The following HCN1 variants were observed in gnomAD, a reference collection of about 807,000 sequenced individuals.
HCN1 encodes the protein hyperpolarization activated cyclic nucleotide gated potassium channel 1, also known as potassium/sodium hyperpolarization-activated cyclic nucleotide-gated channel 1.
HCN1 carries 13 observed loss-of-function variants against 78.9 expected under a neutral mutation model. That is an observed-to-expected ratio of 0.16 (90% CI 0.11 to 0.26). The LOEUF is 0.26. Among genes scored for constraint, HCN1 ranks in the 10% least tolerant of loss-of-function variants. The pLI is 1.00. For synonymous variants in HCN1, 552 were observed against 455.5 expected, an observed-to-expected ratio of 1.21 and a Z score of -2.70; for missense variants, 810 against 1,154.3, an observed-to-expected ratio of 0.70 and a Z score of 4.32.
rs1747539062 is a variant in HCN1 at position 45,374,204 on chromosome 5, AAC to A, written c.1231-20960_1231-20959del. The stretch of plus-strand genomic sequence containing the variant: ...TATATATTATATACATTATATACAT[AAC>A]ATATATATTATGTACATTATATACA... On this transcript the variant is annotated intron_variant, in intron 4 of 7. Transcript: ENST00000303230. Among the ~76,000 whole-genome samples the A allele has an allele frequency of 6.1e-5, 7 of 114,984 alleles. No individual in the cohort carries two copies. The South Asian group carries it at 7.9e-4, about 13-fold the overall frequency. The allele number at this position is 114,984 out of a possible 152,430, so 75.4% of individuals were successfully genotyped here. A position where few individuals can be genotyped will look rare whatever the true frequency, so the allele number is the denominator to read the frequency against.
Position 45,262,012 on chromosome 5 carries a change from G to A in HCN1, c.2582C>T (p.Pro861Leu). Reference sequence around the variant, plus strand: ...TCTTGGAAGAGCAGCTGCTGGTGGAGGGGGTGCTGGAGGGACTCCTCGGTT... The same window carrying A: ...TCTTGGAAGAGCAGCTGCTGGTGGAAGGGGTGCTGGAGGGACTCCTCGGTT... ...PPNRGVPPAP[P>L]PPAAALPRES... The change falls in exon 8 of 8, where the codon CCT becomes CTT. Residue 861 changes from proline to leucine, a missense_variant. Transcript: ENST00000303230. 6.2e-7 allele frequency: 1 copy of A among 1,614,154 alleles called. No homozygotes were observed. Among genetic ancestry groups the A allele is most frequent in the Non-Finnish European group, 8.5e-7 (1 of 1,180,040 alleles).
At chr5:45,643,127 T>C (rs916126287) in intron 2 of HCN1, 3 of 152,124 alleles carry the variant, frequency 2.0e-5, no homozygotes, top group East Asian at 3.9e-4. Context: ...AATTTTATCA[T>C]GGCATCTTTA....
intron 5 of HCN1, among the ~76,000 whole-genome samples, chr5:45,349,019 G>A (rs1183508305): frequency 6.6e-5 from 10 of 152,034 alleles, no homozygotes; most frequent in African/African-American, 1.5e-4. Context: ...TGCAGCAAGC[G>A]GACCTAATAG....
intron 3 of HCN1, among the ~76,000 whole-genome samples, chr5:45,425,905 T>G (rs1356422438): frequency 1.3e-5 from 2 of 152,104 alleles, no homozygotes; most frequent in Non-Finnish European, 2.9e-5. Context: ...TGCTTGGGAA[T>G]GACAAAAGAT....
At chr5:45,322,459 A>G (rs956245232) in intron 5 of HCN1, among the ~76,000 whole-genome samples, 1 of 151,856 alleles carries the variant, frequency 6.6e-6, no homozygotes. Context: ...AGAATGTCTT[A>G]TGTGAAATGC....
intron 2 of HCN1, among the ~76,000 whole-genome samples, chr5:45,520,275 T>G (rs1441902019): frequency 6.6e-6 from 1 of 152,126 alleles, no homozygotes; most frequent in Non-Finnish European, 1.5e-5. Flanking sequence ...TTAATTATCT[T>G]TAGGAGCATA....
intron 5 of HCN1, among the ~76,000 whole-genome samples, chr5:45,305,457 A>T (rs535076291): frequency 1.3e-5 from 2 of 152,280 alleles, no homozygotes; most frequent in East Asian, 3.9e-4. Flanking sequence ...AAGTGAACCT[A>T]GCAGCAAAGA....
In HCN1 at chr5:45,466,060, C is replaced by T. The variant is rs139994424; in HGVS notation, c.850-4053G>A. Among the ~76,000 whole-genome samples, 495 of 152,202 alleles carry T rather than the reference C, an allele frequency of 3.3e-3. 7 individuals are homozygous for T. The East Asian group carries it at 0.037, about 11-fold the overall frequency. On this transcript the variant is annotated intron_variant, in intron 2 of 7. Coordinates refer to ENST00000303230, the MANE Select transcript of HCN1 (RefSeq NM_021072.4). The stretch of plus-strand genomic sequence containing the variant: ...ATCCCAAATTCTACCTTAATATTTG[C>T]GAATCGTTCATCATAAATGTGATTT...
At chr5:45,534,092 T>C (rs1302424837) in intron 2 of HCN1, among the ~76,000 whole-genome samples, 1 of 151,986 alleles carries the variant, frequency 6.6e-6, no homozygotes, top group Non-Finnish European at 1.5e-5. Flanking sequence ...CTAATATCCA[T>C]ATTGTGCACT....
At chr5:45,630,168 C>T (rs924155314) in intron 2 of HCN1, among the ~76,000 whole-genome samples, 33 of 152,090 alleles carry the variant, frequency 2.2e-4, no homozygotes, top group Admixed American at 1.1e-3. Context: ...TTATAGCACA[C>T]GCCAATCAAT....
At chr5:45,597,399 G>C (rs927165682) in intron 2 of HCN1, among the ~76,000 whole-genome samples, 4 of 152,090 alleles carry the variant, frequency 2.6e-5, no homozygotes, top group Admixed American at 6.6e-5. Context: ...CAATAAACTA[G>C]GTATTGATAG....
intron 1 of HCN1, among the ~76,000 whole-genome samples, chr5:45,657,187 C>T (rs907339750): frequency 6.6e-6 from 1 of 152,130 alleles, no homozygotes; most frequent in African/African-American, 2.4e-5. Context: ...TCACACCAAT[C>T]CTACAGCATA....
rs1337206827 is a variant in HCN1, at chr5:45,462,130, ACTTGC to A, written c.850-128_850-124del. 9.4e-6 allele frequency: 7 copies of A among 747,112 alleles called. No homozygotes were observed. In the African/African-American group the frequency reaches 1.2e-4, roughly 13 times the overall value. 46.3% of individuals were successfully genotyped at this position (747,112 alleles called of 1,614,324 possible). ...TTGATTTAATAAAAATATGGGAATAACTTGCAGAAATAGAAACAGATTACATTTCT... is the reference window on the plus strand; with the variant it reads ...TTGATTTAATAAAAATATGGGAATAAAGAAATAGAAACAGATTACATTTCT... On this transcript the variant is annotated intron_variant, in intron 2 of 7. Transcript: ENST00000303230.
chr5:45,342,501 A>C (rs957877688), intron 5 of HCN1, among the ~76,000 whole-genome samples: 1 of 151,870 alleles, frequency 6.6e-6, no homozygotes, highest in Non-Finnish European at 1.5e-5. Context: ...GCCACCCAAA[A>C]TGCTGGGATT....
chr5:45,275,926 T>C (rs941103644), intron 6 of HCN1, among the ~76,000 whole-genome samples: 1 of 152,126 alleles, frequency 6.6e-6, no homozygotes, highest in Non-Finnish European at 1.5e-5. Flanking sequence ...TCGTCAAAAG[T>C]TAATCAAACA....
intron 7 of HCN1, among the ~76,000 whole-genome samples, chr5:45,263,943 G>A (rs542520864): frequency 2.2e-4 from 33 of 152,056 alleles, no homozygotes; most frequent in African/African-American, 7.0e-4. Flanking sequence ...ACAGGTGCCC[G>A]CCACCGTGCC....
chr5:45,552,019 T>A (rs1289666417), intron 2 of HCN1, among the ~76,000 whole-genome samples: 2 of 151,912 alleles, frequency 1.3e-5, no homozygotes, highest in Non-Finnish European at 2.9e-5. Flanking sequence ...CTCTTAGAAA[T>A]TTTTGCCACA....
At chr5:45,685,497 C>A (rs1192733602) in intron 1 of HCN1, among the ~76,000 whole-genome samples, 1 of 152,164 alleles carries the variant, frequency 6.6e-6, no homozygotes, top group African/African-American at 2.4e-5. Flanking sequence ...GCGGATCACC[C>A]AAGGTCAGGA....
intron 2 of HCN1, among the ~76,000 whole-genome samples, chr5:45,498,739 G>C (rs553475478): frequency 6.6e-6 from 1 of 152,078 alleles, no homozygotes; most frequent in East Asian, 1.9e-4. Context: ...CTTTGATGAT[G>C]GTGATGTACA....
Sources: gnomAD v4.1 joint callset for allele counts (sites outside exome capture counted in the v4.1 genomes callset) on GRCh38, gnomAD v4.1.1 for gene constraint, MANE v1.5 for transcripts, NCBI Gene and HGNC (gene_info 2026-07-23, HGNC 2026-07-21) for gene names.